METTL16: variants seen among roughly 807,000 people sequenced by gnomAD.
METTL16 encodes the protein methyltransferase 16, RNA N6-adenosine, also known as RNA N(6)-adenosine-methyltransferase METTL16.
In METTL16, 19 loss-of-function variants were observed where a neutral mutation model predicts 57.9. The observed-to-expected ratio is 0.33, with a 90% CI of 0.23 to 0.48. The LOEUF is 0.48. Ranked by LOEUF, METTL16 falls within the 20% of genes least tolerant of loss-of-function variation. The probability of loss-of-function intolerance (pLI) is 0.99; values close to 1 mark genes in which losing one functional copy is unlikely to be tolerated. For missense variants in METTL16, 434 were observed against 691.5 expected, an observed-to-expected ratio of 0.63 and a Z score of 4.18; for synonymous variants, 246 against 255.6, an observed-to-expected ratio of 0.96 and a Z score of 0.36.
At chr17:2,487,968 G>A (rs1000152506) in intron 2 of METTL16, among the ~76,000 whole-genome samples, 2 of 151,820 alleles carry the variant, frequency 1.3e-5, no homozygotes, top group Non-Finnish European at 2.9e-5. Context: ...TCGCATCACT[G>A]TATTCCAGCC....
intron 2 of METTL16, among the ~76,000 whole-genome samples, chr17:2,495,590 G>A (rs2151577559): frequency 6.6e-6 from 1 of 150,784 alleles, no homozygotes; most frequent in East Asian, 1.9e-4. Flanking sequence ...AGCTAGCCAG[G>A]AGGCTGAGGC....
intron 4 of METTL16, among the ~76,000 whole-genome samples, chr17:2,468,899 T>C (rs143735609): frequency 6.8e-6 from 1 of 146,156 alleles, no homozygotes; most frequent in African/African-American, 2.6e-5. Flanking sequence ...AATAAAAAAA[T>C]GTTTTTTTTT....
At chr17:2,482,658 G>C (rs1307537248) in intron 2 of METTL16, among the ~76,000 whole-genome samples, 3 of 152,222 alleles carry the variant, frequency 2.0e-5, no homozygotes, top group Non-Finnish European at 1.5e-5. Context: ...TGTAATCTCA[G>C]CACTTTGGGA....
At chr17:2,450,428 A>G (rs980083776) in intron 6 of METTL16, among the ~76,000 whole-genome samples, 2 of 152,246 alleles carry the variant, frequency 1.3e-5, no homozygotes, top group African/African-American at 4.8e-5. Flanking sequence ...CATCAGGGCT[A>G]CAGGAAGCTG....
Position 2,418,019 on chromosome 17 carries a change from G to T in METTL16, c.*1951C>A, listed in dbSNP as rs1481157193. On this transcript the variant is annotated 3_prime_UTR_variant, in exon 10 of 10. Transcript: ENST00000263092. ...GGGCTGGCACAGCAGAAAATTTCTA[G>T]ACCAGGGGAATCCACGGTCCTGAAT... 1 of 152,132 alleles carries T rather than the reference G, an allele frequency of 6.6e-6. No individual in the cohort carries two copies. Among genetic ancestry groups the T allele is most frequent in the Non-Finnish European group, 1.5e-5 (1 of 68,022 alleles). The allele number at this position is 152,132 out of a possible 1,614,324, so 9.4% of individuals were successfully genotyped here.
intron 2 of METTL16, among the ~76,000 whole-genome samples, chr17:2,479,330 C>CTTTT (rs34609847): frequency 3.8e-5 from 4 of 105,574 alleles, no homozygotes; most frequent in South Asian, 3.3e-4. Flanking sequence ...CCACACTAAG[C>CTTTT]TTTTTTTTTT....
chr17:2,497,790 G>A (rs757035334), intron 2 of METTL16, among the ~76,000 whole-genome samples: 3 of 151,476 alleles, frequency 2.0e-5, no homozygotes, highest in Admixed American at 1.3e-4. Context: ...GCAGTGGCGC[G>A]ATCATGGTTC....
intron 2 of METTL16, among the ~76,000 whole-genome samples, chr17:2,479,648 T>C (rs1188593870): frequency 2.0e-5 from 3 of 152,126 alleles, no homozygotes; most frequent in Admixed American, 1.3e-4. Context: ...AAATGACCAA[T>C]CATTGGAAAA....
At chr17:2,507,376 G>A (rs560937788) in intron 1 of METTL16, among the ~76,000 whole-genome samples, 1 of 146,390 alleles carries the variant, frequency 6.8e-6, no homozygotes. Context: ...GGAGGGAGGT[G>A]GGGGGGTCAG....
intron 8 of METTL16, among the ~76,000 whole-genome samples, chr17:2,429,977 ATT>A (rs536000247): frequency 0.062 from 8,946 of 143,282 alleles, 469 homozygotes; most frequent in Non-Finnish European, 0.096. Context: ...TGCCCGGCTA[ATT>A]TTTTTCTATT....
intron 6 of METTL16, among the ~76,000 whole-genome samples, chr17:2,451,912 G>A (rs375228973): frequency 1.3e-5 from 2 of 151,982 alleles, no homozygotes; most frequent in East Asian, 3.9e-4. Flanking sequence ...TTGGGAGGCC[G>A]AGGCAGGTGG....
In METTL16 at chr17:2,435,521, G is replaced by A. The variant is rs905933515; in HGVS notation, c.888+2588C>T. On this transcript the variant is annotated intron_variant, in intron 8 of 9. Coordinates refer to ENST00000263092, the MANE Select transcript of METTL16 (RefSeq NM_024086.4). ...TGAGTACCCTGGGACGACCCCCTGGGGAAAGCAGTTGCCGATCAAGGGCAG... is the reference window on the plus strand; with the variant it reads ...TGAGTACCCTGGGACGACCCCCTGGAGAAAGCAGTTGCCGATCAAGGGCAG... 3.3e-5 allele frequency among the ~76,000 whole-genome samples: 5 copies of A among 152,168 alleles called. No individual in the cohort carries two copies. The East Asian group carries it at 7.7e-4, about 23-fold the overall frequency.
At chr17:2,467,951 T>C (rs1478777249) in intron 4 of METTL16, 75 bp from the exon 5 acceptor site, 2 of 993,350 alleles carry the variant, frequency 2.0e-6, no homozygotes, top group African/African-American at 3.2e-5. Flanking sequence ...CACTGCGTAA[T>C]GATTCTTTGG....
intron 8 of METTL16, among the ~76,000 whole-genome samples, chr17:2,430,517 G>A (rs1231898658): frequency 3.5e-5 from 5 of 143,988 alleles, no homozygotes; most frequent in African/African-American, 1.0e-4. Context: ...CCGGGTTCAC[G>A]CCATTCTCCT....
intron 1 of METTL16, among the ~76,000 whole-genome samples, chr17:2,507,695 G>T (rs560341370): frequency 1.6e-4 from 24 of 152,378 alleles, no homozygotes; most frequent in Non-Finnish European, 2.9e-4. Context: ...AGGGGGAAAG[G>T]TGGGGAAAAG....
chr17:2,465,526 G>T (rs566566988), intron 5 of METTL16, among the ~76,000 whole-genome samples: 60 of 106,682 alleles, frequency 5.6e-4, no homozygotes, highest in African/African-American at 2.0e-3. Context: ...CAGCCTGGGC[G>T]ACAGAGCAAG....
intron 8 of METTL16, among the ~76,000 whole-genome samples, chr17:2,432,886 C>T (rs886507838): frequency 2.0e-5 from 3 of 152,232 alleles, no homozygotes; most frequent in South Asian, 2.1e-4. Flanking sequence ...TATTATTCTT[C>T]CCCATTTTAC....
At chr17:2,481,931 G>T (rs1382180758) in intron 2 of METTL16, among the ~76,000 whole-genome samples, 1 of 152,106 alleles carries the variant, frequency 6.6e-6, no homozygotes, top group Non-Finnish European at 1.5e-5. Context: ...GACGCAGTAG[G>T]GTACATGAGG....
Position 2,450,078 on chromosome 17 carries a change from A to G in METTL16, c.729-8519T>C, listed in dbSNP as rs371372741. On this transcript the variant is annotated intron_variant, in intron 6 of 9. Coordinates refer to ENST00000263092, the MANE Select transcript of METTL16 (RefSeq NM_024086.4). ...CACTTTGAAAAGCAGCTTCTTAATA[A>G]AGTTAAACATACACTTACAACAGGA... Among the ~76,000 whole-genome samples the G allele has an allele frequency of 2.6e-5, 4 of 152,196 alleles. No individual in the cohort carries two copies. The East Asian group carries it at 5.8e-4, about 22-fold the overall frequency.
Sources: allele counts gnomAD v4.1 joint callset (sites outside exome capture counted in the v4.1 genomes callset), GRCh38; gene constraint gnomAD v4.1.1; transcripts MANE v1.5; gene names NCBI Gene and HGNC (gene_info 2026-07-23, HGNC 2026-07-21).